Variants in RABGAP1L observed in about 807,000 individuals in gnomAD.
The protein encoded by RABGAP1L is rab GTPase-activating protein 1-like.
RABGAP1L carries 63 observed loss-of-function variants against 137.7 expected under a neutral mutation model. The ratio of observed to expected loss-of-function variants is 0.46; its 90% CI spans 0.37 to 0.56. RABGAP1L has a LOEUF of 0.56. RABGAP1L is among the 20% of genes least tolerant of loss of function. The pLI is 0.00. For missense variants in RABGAP1L, 1,095 were observed against 1,244.0 expected (o/e 0.88, Z 1.80); for synonymous variants, 431 against 433.7 (o/e 0.99, Z 0.08).
At chr1:174,249,121 A>G (rs749352537) in intron 5 of RABGAP1L, among the ~76,000 whole-genome samples, 54 of 152,142 alleles carry the variant, frequency 3.5e-4, no homozygotes, top group Admixed American at 7.2e-4. Context: ...ACAAATACAC[A>G]CACATATGTA....
intron 13 of RABGAP1L, among the ~76,000 whole-genome samples, chr1:174,605,612 T>C (rs1388446115): frequency 6.6e-6 from 1 of 152,238 alleles, no homozygotes; most frequent in Non-Finnish European, 1.5e-5. Flanking sequence ...GAAGCGGATC[T>C]GGTCACAAAA....
chr1:174,369,074 T>C (rs1242498741), intron 11 of RABGAP1L, among the ~76,000 whole-genome samples: 1 of 152,220 alleles, frequency 6.6e-6, no homozygotes, highest in Non-Finnish European at 1.5e-5. Context: ...GGGATGATCT[T>C]GGATCCTGCT....
intron 1 of RABGAP1L, among the ~76,000 whole-genome samples, chr1:174,216,947 A>G (rs1014982994): frequency 2.6e-5 from 4 of 152,134 alleles, no homozygotes; most frequent in African/African-American, 9.7e-5. Context: ...TTTGTGAACA[A>G]TGACGTAGAT....
intron 13 of RABGAP1L, among the ~76,000 whole-genome samples, chr1:174,479,730 T>TG (rs1658893660): frequency 6.6e-6 from 1 of 152,194 alleles, no homozygotes; most frequent in African/African-American, 2.4e-5. Flanking sequence ...TTTATTGTAA[T>TG]ATACCAATGG....
At chr1:174,160,571 T>C (rs1329280864) in intron 1 of RABGAP1L, among the ~76,000 whole-genome samples, 1 of 152,200 alleles carries the variant, frequency 6.6e-6, no homozygotes, top group Non-Finnish European at 1.5e-5. Flanking sequence ...TAAACTGAAA[T>C]GCCAGCCTTA....
intron 18 of RABGAP1L, among the ~76,000 whole-genome samples, chr1:174,783,578 A>G (rs943325529): frequency 6.6e-6 from 1 of 152,208 alleles, no homozygotes; most frequent in Non-Finnish European, 1.5e-5. Flanking sequence ...GAGATATTCA[A>G]ATAGAATTGC....
At chr1:174,163,198 C>T (rs1664646802) in intron 1 of RABGAP1L, among the ~76,000 whole-genome samples, 1 of 152,156 alleles carries the variant, frequency 6.6e-6, no homozygotes. Context: ...CATTGTTTGA[C>T]TCCTAGACTT....
intron 5 of RABGAP1L, among the ~76,000 whole-genome samples, chr1:174,241,868 C>T (rs1187416653): frequency 1.3e-5 from 2 of 152,236 alleles, no homozygotes; most frequent in South Asian, 2.1e-4. Context: ...TAGCAGTTGT[C>T]GTAGAAAAAT....
chr1:174,336,017 TTTG>T (rs1454605592), intron 11 of RABGAP1L, among the ~76,000 whole-genome samples: 2 of 152,224 alleles, frequency 1.3e-5, no homozygotes, highest in Non-Finnish European at 2.9e-5. Flanking sequence ...ATCTGCATTT[TTTG>T]TTGTTGTTTT....
chr1:174,758,022 CAAAAAAAA>C (rs34002785), intron 18 of RABGAP1L, among the ~76,000 whole-genome samples: 1 of 130,144 alleles, frequency 7.7e-6, no homozygotes, highest in Non-Finnish European at 1.6e-5. Context: ...GACTCCATCT[CAAAAAAAA>C]AAAAAAAAGA....
chr1:174,246,374 G>A (rs1044607984), intron 5 of RABGAP1L: 3 of 152,162 alleles, frequency 2.0e-5, no homozygotes, highest in Non-Finnish European at 4.4e-5. Context: ...TTGTGTGTAT[G>A]TGTTTTAATA....
chr1:174,400,408 T>C (rs1189784849), intron 13 of RABGAP1L, among the ~76,000 whole-genome samples: 1 of 152,138 alleles, frequency 6.6e-6, no homozygotes, highest in East Asian at 1.9e-4. Flanking sequence ...ACAACTGTAT[T>C]GCTCCTTATG....
chr1:174,506,654 C>T (rs1480803594), intron 13 of RABGAP1L, among the ~76,000 whole-genome samples: 1 of 152,126 alleles, frequency 6.6e-6, no homozygotes, highest in Admixed American at 6.5e-5. Flanking sequence ...TGTTAAATAG[C>T]TTGATTTATC....
At chr1:174,794,566 T>C (rs1688101100) in intron 18 of RABGAP1L, among the ~76,000 whole-genome samples, 1 of 152,202 alleles carries the variant, frequency 6.6e-6, no homozygotes, top group South Asian at 2.1e-4. Flanking sequence ...AAGTAACTTA[T>C]TCATGTCATA....
At position 174,935,965 on chromosome 1, in the gene RABGAP1L, G is replaced by A. The variant is rs182606693; in HGVS notation, c.2341-21492G>A. ...CATTGCACTCCAGCCTGGACAACAA[G>A]AGTAAACCTCCATCTCACCAAAAAA... On this transcript the variant is annotated intron_variant, in intron 19 of 25. Coordinates refer to ENST00000681986, the MANE Select transcript of RABGAP1L (RefSeq NM_001366446.1). Among the ~76,000 whole-genome samples, 7 of 88,660 alleles carry A rather than the reference G, an allele frequency of 7.9e-5. No individual in the cohort carries two copies. The Admixed American group carries it at 1.3e-3, about 16-fold the overall frequency. 58.2% of individuals were successfully genotyped at this position (88,660 alleles called of 152,430 possible).
At chr1:174,568,511 AT>A (rs1667733908) in intron 13 of RABGAP1L, among the ~76,000 whole-genome samples, 1 of 152,180 alleles carries the variant, frequency 6.6e-6, no homozygotes, top group East Asian at 1.9e-4. Context: ...GGTGGTTACC[AT>A]TTTTTATCAT....
At chr1:174,980,539 G>A (rs1043232144) in intron 23 of RABGAP1L, among the ~76,000 whole-genome samples, 2 of 152,176 alleles carry the variant, frequency 1.3e-5, no homozygotes, top group Non-Finnish European at 2.9e-5. Flanking sequence ...AGAAGAGGAT[G>A]GAAATGGTAG....
intron 1 of RABGAP1L, among the ~76,000 whole-genome samples, chr1:174,173,276 G>T (rs528087350): frequency 6.6e-6 from 1 of 151,826 alleles, no homozygotes; most frequent in Non-Finnish European, 1.5e-5. Flanking sequence ...GATTACAGGC[G>T]TGCACCACCA....
At chr1:174,901,222 T>C (rs1658091956) in intron 19 of RABGAP1L, among the ~76,000 whole-genome samples, 1 of 152,234 alleles carries the variant, frequency 6.6e-6, no homozygotes, top group African/African-American at 2.4e-5. Flanking sequence ...TTAGCTTTGT[T>C]GCATTGGGTT....
Sources: allele counts gnomAD v4.1 joint callset (sites outside exome capture counted in the v4.1 genomes callset), GRCh38; gene constraint gnomAD v4.1.1; transcripts MANE v1.5; gene names NCBI Gene and HGNC (gene_info 2026-07-23, HGNC 2026-07-21).